CUBN: variants seen among roughly 807,000 people sequenced by gnomAD.
CUBN encodes cubilin, also known as 460 kDa receptor.
CUBN carries 282 observed loss-of-function variants against 405.3 expected under a neutral mutation model. The ratio of observed to expected loss-of-function variants is 0.70; its 90% CI spans 0.63 to 0.77. The LOEUF (loss-of-function observed/expected upper bound fraction) is 0.77, where lower values mean the gene tolerates loss of function less well. Among genes scored for constraint, CUBN ranks in the 30% least tolerant of loss-of-function variants. The probability of loss-of-function intolerance (pLI) is 0.00; values close to 1 mark genes in which losing one functional copy is unlikely to be tolerated. For missense variants in CUBN, 4,514 were observed against 4,475.2 expected (o/e 1.01, Z -0.25); for synonymous variants, 1,684 against 1,617.0 (o/e 1.04, Z -0.99).
chr10:16,950,219 A>G, intron 33 of CUBN, 108 bp from the exon 34 acceptor site: 1 of 735,088 alleles, frequency 1.4e-6, no homozygotes, highest in Non-Finnish European at 2.4e-6. Flanking sequence ...TAAAAAATAG[A>G]AGGAATGAGT....
In CUBN at chr10:16,887,275, T is replaced by C. The variant is rs544617932; in HGVS notation, c.8905+1142A>G. Among the ~76,000 whole-genome samples, 3 of 151,500 alleles carry C rather than the reference T, an allele frequency of 2.0e-5. No individual in the cohort carries two copies. In the East Asian group the frequency reaches 5.8e-4, roughly 29 times the overall value. Reference sequence around the variant, plus strand: ...TTAAAAGCTATGTTAACATGAAACATTTCAGACTTATTTTCTTTAAGCAAT... The same window carrying C: ...TTAAAAGCTATGTTAACATGAAACACTTCAGACTTATTTTCTTTAAGCAAT... On this transcript the variant is annotated intron_variant, in intron 56 of 66. Transcript: ENST00000377833.
intron 31 of CUBN, among the ~76,000 whole-genome samples, chr10:16,969,089 T>C (rs1843479716): frequency 6.6e-6 from 1 of 152,240 alleles, no homozygotes; most frequent in African/African-American, 2.4e-5. Flanking sequence ...ACTTCTGTGA[T>C]GTTATCTAAG....
chr10:16,922,256 T>C (rs567181130), intron 43 of CUBN, among the ~76,000 whole-genome samples: 43 of 152,196 alleles, frequency 2.8e-4, no homozygotes, highest in Admixed American at 9.2e-4. Flanking sequence ...CAACTGCTCC[T>C]AAGGCTCCTC....
At chr10:17,017,852 G>A (rs1340486185) in intron 28 of CUBN, among the ~76,000 whole-genome samples, 9 of 151,928 alleles carry the variant, frequency 5.9e-5, no homozygotes, top group Admixed American at 2.6e-4. Context: ...GAAGAGAGGC[G>A]AGAGGAAATT....
chr10:16,916,784 A>G (rs1440895368), intron 45 of CUBN, among the ~76,000 whole-genome samples: 2 of 151,522 alleles, frequency 1.3e-5, no homozygotes, highest in Admixed American at 1.3e-4. Context: ...CTGAAGAGGC[A>G]TATTTGCTTT....
rs182893017 is a variant in CUBN, at chr10:16,934,066, G to A, written c.5927-782C>T. Reference sequence around the variant, plus strand: ...GATGCGCTGTTTTCTGGACCTCTGCGGCCCCACCACCCACAGCTGTTAAAG... The same window carrying A: ...GATGCGCTGTTTTCTGGACCTCTGCAGCCCCACCACCCACAGCTGTTAAAG... On this transcript the variant is annotated intron_variant, in intron 39 of 66. Coordinates refer to ENST00000377833, the MANE Select transcript of CUBN (RefSeq NM_001081.4). Among the ~76,000 whole-genome samples, 49 of 152,206 alleles carry A rather than the reference G, an allele frequency of 3.2e-4. No homozygotes were observed. In the South Asian group the frequency reaches 4.2e-3, roughly 13 times the overall value.
intron 39 of CUBN, among the ~76,000 whole-genome samples, chr10:16,934,057 G>A (rs960106598): frequency 6.6e-6 from 1 of 152,222 alleles, no homozygotes; most frequent in East Asian, 1.9e-4. Context: ...CTGTTTTCTG[G>A]ACCTCTGCGG....
chr10:16,860,218 C>T (rs1473646368), intron 59 of CUBN, among the ~76,000 whole-genome samples: 1 of 152,008 alleles, frequency 6.6e-6, no homozygotes, highest in Non-Finnish European at 1.5e-5. Context: ...GATATAAACA[C>T]ATTAAATTCT....
At position 16,869,719 on chromosome 10, in the gene CUBN, C is replaced by A; in HGVS notation, c.9371G>T (p.Ser3124Ile). The A allele has an allele frequency of 5.6e-6, 9 of 1,614,094 alleles. No individual in the cohort carries two copies. The highest frequency in any genetic ancestry group is 7.6e-6 in the Non-Finnish European group (9 of 1,179,984). ...GAACACCAGGAGCATACTATTATTG[C>A]TGCTCTTCACATTTGGTGGGCGCTT... ...GSKRPPNVKSSNNSMLLVFKT... is the reference protein window; with the variant it reads ...GSKRPPNVKSINNSMLLVFKT... The change falls in exon 59 of 67, where the codon AGC (serine) becomes ATC (isoleucine). Residue 3124 changes from serine (S) to isoleucine (I), a missense_variant. By Grantham distance (142) the Ser-to-Ile change is moderately radical. Coordinates refer to ENST00000377833, the MANE Select transcript of CUBN (RefSeq NM_001081.4).
chr10:17,083,379 C>T (rs1483803046), intron 17 of CUBN, among the ~76,000 whole-genome samples: 1 of 152,048 alleles, frequency 6.6e-6, no homozygotes, highest in African/African-American at 2.4e-5. Context: ...GTGGCACATG[C>T]CTGTAATCCC....
At chr10:17,081,044 C>A (rs1907369) in intron 17 of CUBN, among the ~76,000 whole-genome samples, 54,060 of 151,892 alleles carry the variant, frequency 0.36, 11,517 homozygotes, top group East Asian at 0.56. Context: ...AATGTGTGTT[C>A]CTTGTGTTAA....
chr10:17,111,031 A>G lies in CUBN; in HGVS notation c.903T>C (p.Tyr301=), dbSNP rs914243618. The G allele has an allele frequency of 1.2e-6, 2 of 1,614,056 alleles. No homozygotes were observed. Among genetic ancestry groups the G allele is most frequent in the African/African-American group, 2.7e-5 (2 of 74,920 alleles). The change falls in exon 9 of 67, where the codon TAT becomes TAC. Residue 301 remains tyrosine, a synonymous_variant. Transcript: ENST00000377833. ...CACATTCATTGATATCTTCGCAAAT[A>G]TATCCATTGCCTTGCCAGCCTAGGA... ...ACPTGWQGNG[Y]ICEDINECEI...
chr10:16,955,869 C>G (rs186505446), intron 31 of CUBN, among the ~76,000 whole-genome samples: 96 of 152,296 alleles, frequency 6.3e-4, no homozygotes, highest in African/African-American at 2.0e-3. Context: ...GAATTGAAAC[C>G]CTTTCCTCTT....
At chr10:16,862,984 G>A (rs1369006421) in intron 59 of CUBN, among the ~76,000 whole-genome samples, 3 of 152,208 alleles carry the variant, frequency 2.0e-5, no homozygotes, top group African/African-American at 7.2e-5. Context: ...AAGACCAGGA[G>A]TGGCAATCTA....
intron 29 of CUBN, among the ~76,000 whole-genome samples, chr10:16,987,359 A>G (rs1833455895): frequency 6.6e-6 from 1 of 152,244 alleles, no homozygotes; most frequent in Non-Finnish European, 1.5e-5. Context: ...TGATGATCAG[A>G]GATTTAAAAA....
chr10:16,900,558 T>C, intron 53 of CUBN, 67 bp downstream of exon 53: 1 of 1,213,788 alleles, frequency 8.2e-7, no homozygotes, highest in Non-Finnish European at 1.2e-6. Flanking sequence ...GTACAAAATG[T>C]ACATATTATG....
Position 16,869,817 on chromosome 10 carries a change from G to C in CUBN, c.9273C>G (p.Cys3091Trp), listed in dbSNP as rs558940054. ...CGTAAATTGCCAGGTAGTCATGGGA[G>C]CAGGAGGTGGAGGGAACCACATCAA... ...SDFDVVPSTS[C>W]SHDYLAIYDG... The change falls in exon 59 of 67, where the codon TGC (cysteine) becomes TGG (tryptophan). Residue 3091 changes from cysteine (C) to tryptophan (W), a missense_variant. Cys to Trp is a radical substitution (Grantham distance 215). Coordinates refer to ENST00000377833, the MANE Select transcript of CUBN (RefSeq NM_001081.4). 2 of 1,613,986 alleles carry C rather than the reference G, an allele frequency of 1.2e-6. No homozygotes were observed. Among genetic ancestry groups the C allele is most frequent in the South Asian group, 2.2e-5 (2 of 91,084 alleles).
At chr10:16,918,835 G>A in intron 44 of CUBN, 35 bp from the exon 45 acceptor site, 2 of 1,573,998 alleles carry the variant, frequency 1.3e-6, no homozygotes, top group Non-Finnish European at 1.7e-6. Context: ...AAATTTACAT[G>A]GTCAGATGCT....
intron 22 of CUBN, among the ~76,000 whole-genome samples, chr10:17,064,872 A>G (rs1835578020): frequency 6.6e-6 from 1 of 152,218 alleles, no homozygotes; most frequent in African/African-American, 2.4e-5. Context: ...GTTTAACTTC[A>G]TTAGGTCAAA....
Sources: gnomAD v4.1 joint callset for allele counts (sites outside exome capture counted in the v4.1 genomes callset) on GRCh38, gnomAD v4.1.1 for gene constraint, MANE v1.5 for transcripts, NCBI Gene and HGNC (gene_info 2026-07-23, HGNC 2026-07-21) for gene names.